BBX: variants seen among roughly 807,000 people sequenced by gnomAD.
BBX encodes BBX high mobility group box domain containing.
BBX carries 30 observed loss-of-function variants against 100.2 expected under a neutral mutation model. The ratio of observed to expected loss-of-function variants is 0.30; its 90% CI spans 0.22 to 0.41. The LOEUF (loss-of-function observed/expected upper bound fraction) is 0.41, where lower values mean the gene tolerates loss of function less well. Among genes scored for constraint, BBX ranks in the 10% least tolerant of loss-of-function variants. BBX has a pLI of 1.00. For missense variants in BBX, 1,023 were observed against 1,129.8 expected (o/e 0.91, Z 1.35); for synonymous variants, 376 against 388.1 (o/e 0.97, Z 0.37).
At chr3:107,710,367 T>C (rs1293888670) in intron 3 of BBX, 85 bp from the exon 4 acceptor site, 3 of 1,116,106 alleles carry the variant, frequency 2.7e-6, no homozygotes, top group East Asian at 5.2e-5. Context: ...AATAAACTAA[T>C]TGTAATCAAA....
intron 2 of BBX, among the ~76,000 whole-genome samples, chr3:107,564,453 T>C (rs2050728056): frequency 6.6e-6 from 1 of 152,156 alleles, no homozygotes; most frequent in Admixed American, 6.6e-5. Flanking sequence ...TATAAGAAAC[T>C]CTTTCGTATA....
At chr3:107,614,038 G>A (rs943547098) in intron 2 of BBX, among the ~76,000 whole-genome samples, 3 of 129,116 alleles carry the variant, frequency 2.3e-5, no homozygotes, top group Middle Eastern at 4.8e-3. Flanking sequence ...TGGAACCTCC[G>A]CCTCCTGGGT....
chr3:107,809,065 T>G lies in BBX; in HGVS notation c.*3608T>G, dbSNP rs1471302983. ...TTTCTTATTAAGTCAGATGCTACTG[T>G]AAGTCAGATAAAATTTTGTTTGCAC... is the stretch of plus-strand genomic sequence containing the variant. On this transcript the variant is annotated 3_prime_UTR_variant, in exon 18 of 18. Coordinates refer to ENST00000325805, the MANE Select transcript of BBX (RefSeq NM_001142568.3). The G allele has an allele frequency of 6.6e-6, 1 of 152,248 alleles. No homozygotes were observed. The highest frequency in any genetic ancestry group is 1.5e-5 in the Non-Finnish European group (1 of 68,046). 9.4% of individuals were successfully genotyped at this position (152,248 alleles called of 1,614,324 possible).
At chr3:107,779,740 G>T (rs1301095327) in intron 13 of BBX, among the ~76,000 whole-genome samples, 1 of 151,988 alleles carries the variant, frequency 6.6e-6, no homozygotes, top group Non-Finnish European at 1.5e-5. Flanking sequence ...GAAAATTATG[G>T]TTTATTCTCT....
chr3:107,755,727 A>G, intron 10 of BBX, 49 bp downstream of exon 10: 1 of 1,463,794 alleles, frequency 6.8e-7, no homozygotes, highest in Non-Finnish European at 9.6e-7. Context: ...GGTGGAAATT[A>G]CAAAATATTC....
At chr3:107,523,682 C>G (rs1459910621) in intron 1 of BBX, 1 of 152,346 alleles carries the variant, frequency 6.6e-6, no homozygotes, top group Non-Finnish European at 1.5e-5. Flanking sequence ...TCTCGGCTGC[C>G]GGGGAGGTGG....
At chr3:107,535,272 T>G (rs1204665737) in intron 2 of BBX, among the ~76,000 whole-genome samples, 4 of 152,214 alleles carry the variant, frequency 2.6e-5, no homozygotes, top group African/African-American at 9.6e-5. Flanking sequence ...AAGAGAGGTC[T>G]TCATTTTCAA....
intron 3 of BBX, among the ~76,000 whole-genome samples, chr3:107,647,413 A>G (rs145674695): frequency 5.3e-4 from 81 of 152,342 alleles, no homozygotes; most frequent in African/African-American, 1.8e-3. Context: ...CATCTGAGCA[A>G]TGATTTCTGA....
rs71113691 is a variant in BBX, at chr3:107,797,364, A to ATATATATATATATATATATATATATATG, written c.2354-1159_2354-1158insTATATATATATATATATATATATATATG. 4.1e-3 allele frequency among the ~76,000 whole-genome samples: 448 copies of ATATATATATATATATATATATATATATG among 109,708 alleles called. 39 individuals are homozygous for ATATATATATATATATATATATATATATG. The highest frequency in any genetic ancestry group is 5.7e-3 in the Non-Finnish European group (303 of 53,112). 72.0% of individuals were successfully genotyped at this position (109,708 alleles called of 152,430 possible). On this transcript the variant is annotated intron_variant, in intron 15 of 17. Coordinates refer to ENST00000325805, the MANE Select transcript of BBX (RefSeq NM_001142568.3). ...TATATATATATATATATATATATAT[A>ATATATATATATATATATATATATATATG]GCTTTATTGCCAATATCTACCTTCA...
chr3:107,769,235 T>C (rs374626816), intron 10 of BBX, among the ~76,000 whole-genome samples: 32 of 138,078 alleles, frequency 2.3e-4, no homozygotes, highest in African/African-American at 7.1e-4. Context: ...GATAGACAGA[T>C]AGATAGGATA....
At chr3:107,726,986 A>G (rs2062992489) in intron 5 of BBX, among the ~76,000 whole-genome samples, 1 of 152,076 alleles carries the variant, frequency 6.6e-6, no homozygotes, top group African/African-American at 2.4e-5. Context: ...GCTGGACTCT[A>G]TTGGTATGAT....
chr3:107,727,124 C>A (rs550835674), intron 5 of BBX, among the ~76,000 whole-genome samples: 1 of 152,144 alleles, frequency 6.6e-6, no homozygotes, highest in South Asian at 2.1e-4. Flanking sequence ...AATTTTATTT[C>A]TCATGACAAA....
intron 2 of BBX, among the ~76,000 whole-genome samples, chr3:107,602,771 A>G (rs1022757293): frequency 6.6e-6 from 1 of 152,200 alleles, no homozygotes; most frequent in Non-Finnish European, 1.5e-5. Flanking sequence ...GGATACTTGA[A>G]CCGATGAGGA....
intron 2 of BBX, among the ~76,000 whole-genome samples, chr3:107,601,474 A>G (rs1400439728): frequency 6.6e-6 from 1 of 152,250 alleles, no homozygotes; most frequent in Non-Finnish European, 1.5e-5. Flanking sequence ...CAGTGAACAC[A>G]CAATGATAAG....
In BBX at chr3:107,810,227, A is replaced by G. The variant is rs1011363100; in HGVS notation, c.*4770A>G. 1.3e-5 allele frequency: 2 copies of G among 151,728 alleles called. No homozygotes were observed. The highest frequency in any genetic ancestry group is 2.9e-5 in the Non-Finnish European group (2 of 67,952). 9.4% of individuals were successfully genotyped at this position (151,728 alleles called of 1,614,324 possible). On this transcript the variant is annotated 3_prime_UTR_variant, in exon 18 of 18. Coordinates refer to ENST00000325805, the MANE Select transcript of BBX (RefSeq NM_001142568.3). ...CTTTTTTTTAAAAAAAAAAAAAAAAAAGGTTCCTCTTCTGGCCAAATTTGA... is the reference window on the plus strand; with the variant it reads ...CTTTTTTTTAAAAAAAAAAAAAAAAGAGGTTCCTCTTCTGGCCAAATTTGA...
At chr3:107,534,522 C>G (rs1266279842) in intron 2 of BBX, among the ~76,000 whole-genome samples, 2 of 151,826 alleles carry the variant, frequency 1.3e-5, no homozygotes, top group Non-Finnish European at 2.9e-5. Context: ...CTCTCCCAGT[C>G]TATTATGTTT....
Position 107,696,697 on chromosome 3 carries a change from A to C in BBX, c.-9-13755A>C, listed in dbSNP as rs535677084. Among the ~76,000 whole-genome samples, 39 of 151,488 alleles carry C rather than the reference A, an allele frequency of 2.6e-4. 1 individual carries two copies. The highest frequency in any genetic ancestry group is 8.3e-4 in the African/African-American group (34 of 40,922). ...TATCTTGGTGTTGCTCTTCTCGAGG[A>C]GTATCTTTGTGGCGTTCTCTGTATT... On this transcript the variant is annotated intron_variant, in intron 3 of 17. Coordinates refer to ENST00000325805, the MANE Select transcript of BBX (RefSeq NM_001142568.3).
chr3:107,527,494 G>A (rs2107285630), intron 2 of BBX, among the ~76,000 whole-genome samples: 1 of 152,292 alleles, frequency 6.6e-6, no homozygotes, highest in Middle Eastern at 3.4e-3. Flanking sequence ...TTAGTATTGA[G>A]TTAGAGGACT....
chr3:107,703,126 G>T (rs1398633705), intron 3 of BBX, among the ~76,000 whole-genome samples: 1 of 152,206 alleles, frequency 6.6e-6, no homozygotes, highest in Non-Finnish European at 1.5e-5. Context: ...CATGTAATAA[G>T]TGCATATAAT....
Sources: gnomAD v4.1 joint callset for allele counts (sites outside exome capture counted in the v4.1 genomes callset) on GRCh38, gnomAD v4.1.1 for gene constraint, MANE v1.5 for transcripts, NCBI Gene and HGNC (gene_info 2026-07-23, HGNC 2026-07-21) for gene names.